LRP12: variants seen among roughly 807,000 people sequenced by gnomAD.
The protein encoded by LRP12 is LDL receptor related protein 12.
In LRP12, 14 loss-of-function variants were observed where a neutral mutation model predicts 66.0. The ratio of observed to expected loss-of-function variants is 0.21; its 90% CI spans 0.14 to 0.33. LRP12 has a LOEUF of 0.33. Ranked by LOEUF, LRP12 falls within the 10% of genes least tolerant of loss-of-function variation. The pLI is 1.00. For missense variants in LRP12, 889 were observed against 1,053.4 expected, an observed-to-expected ratio of 0.84 and a Z score of 2.16; for synonymous variants, 357 against 359.1, an observed-to-expected ratio of 0.99 and a Z score of 0.07.
At chr8:104,549,592 T>A (rs900735096) in intron 1 of LRP12, among the ~76,000 whole-genome samples, 1 of 151,876 alleles carries the variant, frequency 6.6e-6, no homozygotes, top group Admixed American at 6.6e-5. Context: ...TTAGTAGAGA[T>A]GGGGTTTCAC....
Position 104,546,339 on chromosome 8 carries a change from A to C in LRP12, c.80-14376T>G, listed in dbSNP as rs551943524. Among the ~76,000 whole-genome samples the C allele has an allele frequency of 1.3e-4, 20 of 152,294 alleles. No individual in the cohort carries two copies. In the South Asian group the frequency reaches 4.1e-3, roughly 32 times the overall value. ...TATGTCCAGTCAAGCAACCAACACTACAATCAAGACACAAAACATTTCCAT... is the reference window on the plus strand; with the variant it reads ...TATGTCCAGTCAAGCAACCAACACTCCAATCAAGACACAAAACATTTCCAT... On this transcript the variant is annotated intron_variant, in intron 1 of 6. Transcript: ENST00000276654.
At chr8:104,495,328 A>C (rs933567065) in intron 5 of LRP12, 119 bp from the exon 6 acceptor site, 2 of 1,027,566 alleles carry the variant, frequency 1.9e-6, no homozygotes, top group South Asian at 1.6e-5. Context: ...TTTAAAGCTT[A>C]GTCATTTGAC....
At chr8:104,520,409 T>C (rs1262356973) in intron 2 of LRP12, among the ~76,000 whole-genome samples, 1 of 152,038 alleles carries the variant, frequency 6.6e-6, no homozygotes, top group Admixed American at 6.6e-5. Context: ...AAGGTTACTG[T>C]GACTCTGGCT....
chr8:104,572,947 C>T (rs1325820454), intron 1 of LRP12, among the ~76,000 whole-genome samples: 1 of 152,194 alleles, frequency 6.6e-6, no homozygotes, highest in African/African-American at 2.4e-5. Context: ...TTCTAATTCT[C>T]TCTAACCCAC....
intron 2 of LRP12, among the ~76,000 whole-genome samples, chr8:104,518,194 G>C (rs1195615194): frequency 6.6e-6 from 1 of 152,098 alleles, no homozygotes; most frequent in East Asian, 1.9e-4. Flanking sequence ...AAGCATGTAT[G>C]CAGGCCTTGG....
intron 1 of LRP12, among the ~76,000 whole-genome samples, chr8:104,571,404 C>T (rs1310727601): frequency 6.6e-6 from 1 of 152,040 alleles, no homozygotes; most frequent in Non-Finnish European, 1.5e-5. Flanking sequence ...CTTTATAATC[C>T]CCATGTGTTA....
chr8:104,493,002 T>G (rs147317591), intron 6 of LRP12, among the ~76,000 whole-genome samples: 5 of 152,332 alleles, frequency 3.3e-5, no homozygotes, highest in African/African-American at 9.6e-5. Flanking sequence ...TGTTATCCTC[T>G]GTTGTGCTGC....
chr8:104,539,524 A>G (rs948991754), intron 1 of LRP12, among the ~76,000 whole-genome samples: 5 of 152,116 alleles, frequency 3.3e-5, no homozygotes, highest in Non-Finnish European at 7.4e-5. Context: ...ATAGCATATT[A>G]TACAACACAC....
chr8:104,556,547 GAATA>G (rs1811811313), intron 1 of LRP12, among the ~76,000 whole-genome samples: 2 of 152,004 alleles, frequency 1.3e-5, no homozygotes, highest in South Asian at 4.2e-4. Flanking sequence ...TAGAGAAGAT[GAATA>G]AATTCCTGAA....
At chr8:104,566,556 T>C (rs1242755956) in intron 1 of LRP12, 1 of 152,892 alleles carries the variant, frequency 6.5e-6, no homozygotes, top group Non-Finnish European at 1.5e-5. Flanking sequence ...TAGGAGACTT[T>C]TAAAAATTAG....
intron 5 of LRP12, 90 bp from the exon 6 acceptor site, chr8:104,495,299 T>A (rs1476633233): frequency 7.1e-6 from 9 of 1,263,308 alleles, no homozygotes; most frequent in East Asian, 2.3e-5. Context: ...ACAATCTGAG[T>A]CTTGGCATAT....
intron 1 of LRP12, among the ~76,000 whole-genome samples, chr8:104,545,814 C>A (rs1400920454): frequency 6.6e-6 from 1 of 152,114 alleles, no homozygotes; most frequent in African/African-American, 2.4e-5. Flanking sequence ...GGAACCAAAC[C>A]ATATCTCTGA....
At chr8:104,551,468 C>G (rs550613175) in intron 1 of LRP12, among the ~76,000 whole-genome samples, 2 of 152,192 alleles carry the variant, frequency 1.3e-5, no homozygotes, top group South Asian at 4.1e-4. Context: ...TCCTATCACC[C>G]AGATAGTGAG....
At chr8:104,552,031 T>C (rs1588502791) in intron 1 of LRP12, among the ~76,000 whole-genome samples, 1 of 152,168 alleles carries the variant, frequency 6.6e-6, no homozygotes, top group Admixed American at 6.5e-5. Context: ...ATAAAGAATG[T>C]ATAAAGAGAA....
chr8:104,529,128 A>G (rs1208077697), intron 2 of LRP12, among the ~76,000 whole-genome samples: 1 of 152,186 alleles, frequency 6.6e-6, no homozygotes, highest in African/African-American at 2.4e-5. Context: ...AGAGTTAAAG[A>G]GTTAAAGTTA....
intron 1 of LRP12, among the ~76,000 whole-genome samples, chr8:104,577,764 C>G (rs1310686759): frequency 6.9e-6 from 1 of 144,214 alleles, no homozygotes; most frequent in African/African-American, 2.6e-5. Context: ...TGAGCCAAGA[C>G]TGCGCCACTG....
At chr8:104,496,304 G>C (rs1451035277) in intron 5 of LRP12, among the ~76,000 whole-genome samples, 2 of 152,136 alleles carry the variant, frequency 1.3e-5, no homozygotes, top group African/African-American at 4.8e-5. Context: ...CAGATAAACT[G>C]AATCATGTGC....
At chr8:104,549,427 G>C (rs534771653) in intron 1 of LRP12, among the ~76,000 whole-genome samples, 1 of 109,898 alleles carries the variant, frequency 9.1e-6, no homozygotes, top group South Asian at 2.8e-4. Context: ...TTTTGAGACA[G>C]AGTCTTGCTC....
At chr8:104,580,300 A>AT (rs1206672292) in intron 1 of LRP12, among the ~76,000 whole-genome samples, 1 of 150,852 alleles carries the variant, frequency 6.6e-6, no homozygotes, top group Non-Finnish European at 1.5e-5. Flanking sequence ...GTGGATCACG[A>AT]GGTCAGGAGA....
Sources: allele counts gnomAD v4.1 joint callset (sites outside exome capture counted in the v4.1 genomes callset), GRCh38; gene constraint gnomAD v4.1.1; transcripts MANE v1.5; gene names NCBI Gene and HGNC (gene_info 2026-07-23, HGNC 2026-07-21).